The following CSMD2 variants were observed in gnomAD, a reference collection of about 807,000 sequenced individuals.
The protein encoded by CSMD2 is CUB and sushi domain-containing protein 2.
In CSMD2, 130 loss-of-function variants were observed where a neutral mutation model predicts 398.5. The ratio of observed to expected loss-of-function variants is 0.33; its 90% CI spans 0.28 to 0.38. CSMD2 has a LOEUF of 0.38. CSMD2 is among the 10% of genes least tolerant of loss of function. The probability of loss-of-function intolerance (pLI) is 1.00; values close to 1 mark genes in which losing one functional copy is unlikely to be tolerated. For synonymous variants in CSMD2, 1,828 were observed against 1,908.5 expected, an observed-to-expected ratio of 0.96 and a Z score of 1.10; for missense variants, 3,829 against 4,764.9, an observed-to-expected ratio of 0.80 and a Z score of 5.78.
intron 3 of CSMD2, among the ~76,000 whole-genome samples, chr1:34,018,296 G>A (rs1648415852): frequency 6.6e-6 from 1 of 152,166 alleles, no homozygotes; most frequent in Non-Finnish European, 1.5e-5. Context: ...TGCCCCTACT[G>A]TTGGACATTT....
chr1:33,760,309 T>C (rs1050706845), intron 13 of CSMD2, among the ~76,000 whole-genome samples: 5 of 152,202 alleles, frequency 3.3e-5, no homozygotes, highest in Non-Finnish European at 7.3e-5. Context: ...CATGCATTCC[T>C]CAGTGGCTGG....
chr1:33,984,860 A>C lies in CSMD2; in HGVS notation c.517+47734T>G, dbSNP rs531148517. Among the ~76,000 whole-genome samples the C allele has an allele frequency of 4.1e-4, 62 of 149,830 alleles. No individual in the cohort carries two copies. In the East Asian group the frequency reaches 6.8e-3, roughly 16 times the overall value. ...GGAGGAAGGAAGGAAGGAAGGAAGGAAGGCAGGCAGGCAGGCAGGCAGGCA... is the reference window on the plus strand; with the variant it reads ...GGAGGAAGGAAGGAAGGAAGGAAGGCAGGCAGGCAGGCAGGCAGGCAGGCA... On this transcript the variant is annotated intron_variant, in intron 3 of 70. Transcript: ENST00000373381.
At position 33,516,317 on chromosome 1, in the gene CSMD2, T is replaced by TACACACACACAC. The variant is rs112990781; in HGVS notation, c.*295_*306dup. The stretch of plus-strand genomic sequence containing the variant: ...GTGTGTTTGTGTGTGATCAGGCCCA[T>TACACACACACAC]ACACACACACACACACACAGATCCA... On this transcript the variant is annotated 3_prime_UTR_variant, in exon 71 of 71. Transcript: ENST00000373381. 6.6e-6 allele frequency: 1 copy of TACACACACACAC among 150,544 alleles called. No homozygotes were observed. Among genetic ancestry groups the TACACACACACAC allele is most frequent in the Non-Finnish European group, 1.5e-5 (1 of 67,510 alleles). The allele number at this position is 150,544 out of a possible 1,614,324, so 9.3% of individuals were successfully genotyped here.
At chr1:33,830,825 T>C (rs4369198) in intron 6 of CSMD2, among the ~76,000 whole-genome samples, 19,500 of 152,248 alleles carry the variant, frequency 0.13, 2,017 homozygotes, top group African/African-American at 0.29. Flanking sequence ...AAGGAGCTGA[T>C]GGAGCTGAAA....
chr1:34,149,041 T>C (rs958279349), intron 1 of CSMD2, among the ~76,000 whole-genome samples: 2 of 152,150 alleles, frequency 1.3e-5, no homozygotes, highest in Admixed American at 6.5e-5. Flanking sequence ...CTACTTTACT[T>C]CCTCAAACCC....
intron 3 of CSMD2, among the ~76,000 whole-genome samples, chr1:34,007,121 C>T: frequency 6.6e-6 from 1 of 152,080 alleles, no homozygotes; most frequent in East Asian, 1.9e-4. Flanking sequence ...AGAATTGCAT[C>T]CAAGATGATA....
Position 33,678,341 on chromosome 1 carries a change from T to C in CSMD2, c.4052+14589A>G, listed in dbSNP as rs186974524. 1.1e-4 allele frequency among the ~76,000 whole-genome samples: 17 copies of C among 148,852 alleles called. No individual in the cohort carries two copies. The East Asian group carries it at 2.4e-3, about 21-fold the overall frequency. On this transcript the variant is annotated intron_variant, in intron 25 of 70. Transcript: ENST00000373381. The stretch of plus-strand genomic sequence containing the variant: ...AAAAAAAAAAAAAGAAAGAAAGACA[T>C]GCAAAAATGAGAAAATAAAAAAAAT...
chr1:33,969,258 T>C (rs1441540483), intron 3 of CSMD2, among the ~76,000 whole-genome samples: 3 of 152,222 alleles, frequency 2.0e-5, no homozygotes, highest in Non-Finnish European at 4.4e-5. Context: ...TGTAAAATAT[T>C]GCATTTTACA....
chr1:33,569,266 G>T, intron 52 of CSMD2, 108 bp downstream of exon 52: 3 of 1,198,824 alleles, frequency 2.5e-6, no homozygotes, highest in Non-Finnish European at 2.3e-6. Flanking sequence ...AGCATTTTAT[G>T]TCAATAGGTG....
chr1:33,765,962 T>C (rs1310246707), intron 13 of CSMD2, among the ~76,000 whole-genome samples: 1 of 152,216 alleles, frequency 6.6e-6, no homozygotes, highest in African/African-American at 2.4e-5. Context: ...CTGAAGTCTC[T>C]ATCCAGTGCC....
At chr1:33,599,657 T>C (rs1385790392) in intron 44 of CSMD2, 1 of 153,344 alleles carries the variant, frequency 6.5e-6, no homozygotes, top group Non-Finnish European at 1.5e-5. Flanking sequence ...TGACAGAGCC[T>C]TAAAGCCTGG....
chr1:34,019,754 G>C (rs188695499), intron 3 of CSMD2, among the ~76,000 whole-genome samples: 2 of 152,084 alleles, frequency 1.3e-5, no homozygotes, highest in Admixed American at 1.3e-4. Context: ...AGTAAGGCCC[G>C]AACTCCTTCC....
chr1:33,688,836 A>G (rs1645140513), intron 25 of CSMD2, among the ~76,000 whole-genome samples: 1 of 152,198 alleles, frequency 6.6e-6, no homozygotes, highest in Non-Finnish European at 1.5e-5. Flanking sequence ...AAAAAAGAGT[A>G]CCTAATTTGT....
intron 1 of CSMD2, among the ~76,000 whole-genome samples, chr1:34,118,736 G>C (rs995471635): frequency 6.6e-5 from 10 of 152,114 alleles, no homozygotes; most frequent in African/African-American, 2.4e-4. Flanking sequence ...CAAAAGACTT[G>C]TGAACTGAAA....
At chr1:34,153,048 G>A (rs1262247314) in intron 1 of CSMD2, among the ~76,000 whole-genome samples, 1 of 151,992 alleles carries the variant, frequency 6.6e-6, no homozygotes, top group African/African-American at 2.4e-5. Context: ...ACAGACTCTC[G>A]CTCTGTCACC....
intron 2 of CSMD2, among the ~76,000 whole-genome samples, chr1:34,076,059 C>T (rs1656288721): frequency 6.6e-6 from 1 of 152,138 alleles, no homozygotes; most frequent in South Asian, 2.1e-4. Context: ...GTGAATAGCT[C>T]CAGATGAAAT....
intron 25 of CSMD2, among the ~76,000 whole-genome samples, chr1:33,677,698 G>A (rs1185192733): frequency 6.6e-6 from 1 of 151,930 alleles, no homozygotes; most frequent in Admixed American, 6.6e-5. Flanking sequence ...GCAAAGACTT[G>A]GAACCAACCC....
chr1:33,825,281 A>G (rs1026713956), intron 7 of CSMD2, among the ~76,000 whole-genome samples: 2 of 152,050 alleles, frequency 1.3e-5, no homozygotes, highest in African/African-American at 4.8e-5. Flanking sequence ...CCCTTTCCCA[A>G]TCTGGCCTTG....
chr1:33,908,439 A>G (rs1643251712), intron 5 of CSMD2, among the ~76,000 whole-genome samples: 1 of 152,252 alleles, frequency 6.6e-6, no homozygotes, highest in African/African-American at 2.4e-5. Flanking sequence ...GAGGTCGAGG[A>G]CAGCATTTTG....
Sources: gnomAD v4.1 joint callset for allele counts (sites outside exome capture counted in the v4.1 genomes callset) on GRCh38, gnomAD v4.1.1 for gene constraint, MANE v1.5 for transcripts, NCBI Gene and HGNC (gene_info 2026-07-23, HGNC 2026-07-21) for gene names.